Variants in IP6K1 observed in about 807,000 individuals in gnomAD.
IP6K1 encodes the protein ATP:1D-myo-inositol-hexakisphosphate phosphotransferase.
In IP6K1, 13 loss-of-function variants were observed where a neutral mutation model predicts 38.3. The observed-to-expected ratio is 0.34, with a 90% confidence interval of 0.22 to 0.54. The LOEUF is 0.54. Among genes scored for constraint, IP6K1 ranks in the 20% least tolerant of loss-of-function variants. IP6K1 has a pLI of 0.92. For missense variants in IP6K1, 397 were observed against 599.8 expected (o/e 0.66, Z 3.53); for synonymous variants, 212 against 229.9 (o/e 0.92, Z 0.70).
chr3:49,782,361 G>C (rs1022119049), intron 1 of IP6K1, among the ~76,000 whole-genome samples: 3 of 152,048 alleles, frequency 2.0e-5, no homozygotes, highest in African/African-American at 7.2e-5. Flanking sequence ...AGTAGAGACG[G>C]TTTTTCACCA....
At chr3:49,732,118 T>G (rs546666327) in intron 4 of IP6K1, among the ~76,000 whole-genome samples, 81 of 152,118 alleles carry the variant, frequency 5.3e-4, no homozygotes, top group African/African-American at 1.9e-3. Context: ...TTTGTAGAGA[T>G]GAAGTCTCAC....
At chr3:49,781,594 CAGAG>C (rs1332473870) in intron 1 of IP6K1, among the ~76,000 whole-genome samples, 2 of 152,072 alleles carry the variant, frequency 1.3e-5, no homozygotes, top group Non-Finnish European at 2.9e-5. Flanking sequence ...AGGATTTGTG[CAGAG>C]AAAGAGTATG....
intron 1 of IP6K1, among the ~76,000 whole-genome samples, chr3:49,756,191 A>T (rs1450295582): frequency 6.6e-6 from 1 of 152,196 alleles, no homozygotes; most frequent in African/African-American, 2.4e-5. Context: ...AAACCATGGC[A>T]TCCTGAGGCC....
At chr3:49,775,395 T>A (rs1168350679) in intron 1 of IP6K1, 2 of 381,568 alleles carry the variant, frequency 5.2e-6, no homozygotes, top group African/African-American at 2.1e-5. Flanking sequence ...ACTTTGTGCG[T>A]CCCTGCACTC....
rs1658539058 is a variant in IP6K1 at position 49,727,116 on chromosome 3, C to T, written c.*6G>A. ...AGGAAGGGGTTCTGGGGGCCCAGAA[C>T]AGGGCCTACTGGTTCTCGTCCCGCA... On this transcript the variant is annotated 3_prime_UTR_variant, in exon 6 of 6. Transcript: ENST00000321599. The surrounding 1 kb of genome is among the most constrained non-coding windows in gnomAD (Gnocchi z 5.9). The T allele has an allele frequency of 1.9e-6, 3 of 1,587,568 alleles. No individual in the cohort carries two copies. Among genetic ancestry groups the T allele is most frequent in the African/African-American group, 1.3e-5 (1 of 74,726 alleles).
At chr3:49,781,122 C>G (rs9814765) in intron 1 of IP6K1, among the ~76,000 whole-genome samples, 1 of 151,022 alleles carries the variant, frequency 6.6e-6, no homozygotes, top group Admixed American at 6.6e-5. Flanking sequence ...AGTGCAGTGG[C>G]GCAATCTCAG....
chr3:49,750,444 C>T (rs1575314573), intron 1 of IP6K1, among the ~76,000 whole-genome samples: 1 of 152,140 alleles, frequency 6.6e-6, no homozygotes, highest in African/African-American at 2.4e-5. Flanking sequence ...CCTATAATCC[C>T]AGCACTTTGG....
In IP6K1 at chr3:49,728,294, G is replaced by T; in HGVS notation, c.617-16C>A. The T allele has an allele frequency of 6.2e-7, 1 of 1,609,052 alleles. No individual in the cohort carries two copies. The highest frequency in any genetic ancestry group is 1.1e-5 in the South Asian group (1 of 91,010). On this transcript the variant is annotated splice_polypyrimidine_tract_variant and intron_variant, in intron 4 of 5. Coordinates refer to ENST00000321599, the MANE Select transcript of IP6K1 (RefSeq NM_153273.4). Reference sequence around the variant, plus strand: ...AGGAGGAACTCTGGGCCACGGTCAAGGAGAATGACAACCACACTCACCATC... The same window carrying T: ...AGGAGGAACTCTGGGCCACGGTCAATGAGAATGACAACCACACTCACCATC...
intron 1 of IP6K1, among the ~76,000 whole-genome samples, chr3:49,760,285 C>G (rs1451325833): frequency 6.6e-6 from 1 of 152,114 alleles, no homozygotes; most frequent in Admixed American, 6.6e-5. Flanking sequence ...TGGGGACTAA[C>G]CTTCACCTAC....
In IP6K1 at chr3:49,728,223, G is replaced by A; in HGVS notation, c.672C>T (p.Asp224=). 6.2e-7 allele frequency: 1 copy of A among 1,614,146 alleles called. No homozygotes were observed. The highest frequency in any genetic ancestry group is 8.5e-7 in the Non-Finnish European group (1 of 1,180,038). ...CATGCTGCCGCGTGCCCATCTTCAG[G>A]TCCAACACGCAGGGGTACTTGAAGT... ...VHHFKYPCVL[D]LKMGTRQHGD... The change falls in exon 5 of 6, where the codon GAC becomes GAT. Residue 224 remains aspartate, a synonymous_variant. Coordinates refer to ENST00000321599, the MANE Select transcript of IP6K1 (RefSeq NM_153273.4).
At chr3:49,749,549 TTTG>T (rs754748945) in intron 1 of IP6K1, among the ~76,000 whole-genome samples, 6 of 152,162 alleles carry the variant, frequency 3.9e-5, no homozygotes, top group Admixed American at 6.6e-5. Context: ...CATCGGGTTT[TTTG>T]TTGTTGTTGT....
intron 2 of IP6K1, among the ~76,000 whole-genome samples, chr3:49,745,296 G>A (rs2080710531): frequency 6.6e-6 from 1 of 152,206 alleles, no homozygotes; most frequent in Non-Finnish European, 1.5e-5. Flanking sequence ...AAGGTTGGAG[G>A]AGCAGGTGTG....
At chr3:49,775,624 G>T in intron 1 of IP6K1, 2 of 887,462 alleles carry the variant, frequency 2.3e-6, no homozygotes, top group Non-Finnish European at 1.6e-6. Context: ...ATTGGTGGGT[G>T]GCCCCTTCCT....
chr3:49,784,305 A>C (rs992267255), intron 1 of IP6K1, among the ~76,000 whole-genome samples: 2 of 151,970 alleles, frequency 1.3e-5, no homozygotes, highest in Admixed American at 1.3e-4. Context: ...CCTCTTTCAA[A>C]ATTATACATT....
At chr3:49,785,212 TAA>T (rs1387581232) in intron 1 of IP6K1, among the ~76,000 whole-genome samples, 25 of 152,170 alleles carry the variant, frequency 1.6e-4, no homozygotes, top group African/African-American at 5.3e-4. Flanking sequence ...TTAGTACTGT[TAA>T]AAGTTAATTT....
chr3:49,778,648 T>A (rs969336271), intron 1 of IP6K1, among the ~76,000 whole-genome samples: 1 of 151,160 alleles, frequency 6.6e-6, no homozygotes, highest in Non-Finnish European at 1.5e-5. Context: ...AAAAAAAAGA[T>A]AGGGTCCCAC....
intron 2 of IP6K1, among the ~76,000 whole-genome samples, chr3:49,744,777 A>G (rs1353933928): frequency 1.3e-5 from 2 of 152,210 alleles, no homozygotes; most frequent in Non-Finnish European, 2.9e-5. Flanking sequence ...CTTTCAGCAC[A>G]TGGAGCTAAG....
chr3:49,761,952 TTTCA>T (rs2080871657), intron 1 of IP6K1, among the ~76,000 whole-genome samples: 1 of 151,842 alleles, frequency 6.6e-6, no homozygotes, highest in Admixed American at 6.6e-5. Context: ...TCTCTCTCTC[TTTCA>T]TTTATTTTTT....
chr3:49,777,020 A>C (rs141286042), intron 1 of IP6K1, among the ~76,000 whole-genome samples: 2 of 152,192 alleles, frequency 1.3e-5, no homozygotes, highest in East Asian at 3.9e-4. Context: ...GGATCACTTG[A>C]GGTCAGGAGT....
Sources: gnomAD v4.1 joint callset for allele counts (sites outside exome capture counted in the v4.1 genomes callset) on GRCh38, gnomAD v4.1.1 for gene constraint, Gnocchi (gnomAD v3.1) non-coding constraint, MANE v1.5 for transcripts, NCBI Gene and HGNC (gene_info 2026-07-23, HGNC 2026-07-21) for gene names.